The following GC variants were observed in gnomAD, a reference collection of about 807,000 sequenced individuals.
GC encodes GC vitamin D binding protein, also known as vitamin D-binding protein.
Under a neutral mutation model 56.7 loss-of-function variants are expected in GC, and 43 were observed. The observed-to-expected ratio is 0.76, with a 90% CI of 0.59 to 0.98. GC has a LOEUF of 0.98. Ranked by LOEUF, GC falls within the 50% of genes least tolerant of loss-of-function variation. The pLI, the probability that GC is intolerant of heterozygous loss-of-function variation, is 0.00. For synonymous variants in GC, 216 were observed against 202.7 expected, an observed-to-expected ratio of 1.07 and a Z score of -0.56; for missense variants, 529 against 545.9, an observed-to-expected ratio of 0.97 and a Z score of 0.31.
chr4:71,759,911 A>G (rs1560695898), intron 6 of GC, among the ~76,000 whole-genome samples: 1 of 152,186 alleles, frequency 6.6e-6, no homozygotes, highest in Non-Finnish European at 1.5e-5. Flanking sequence ...GTGGCTTTAT[A>G]TTAGAAATTC....
chr4:71,785,205 C>T (rs990157708), upstream of GC, among the ~76,000 whole-genome samples: 1 of 151,724 alleles, frequency 6.6e-6, no homozygotes, highest in Admixed American at 6.6e-5. Flanking sequence ...GGGTGCAGGG[C>T]TCATGGTAAC....
At chr4:71,746,501 A>T (rs58777868) in intron 11 of GC, among the ~76,000 whole-genome samples, 2,478 of 152,038 alleles carry the variant, frequency 0.016, 63 homozygotes, top group African/African-American at 0.056. Context: ...GACAACAGAG[A>T]AGTTTGAGTG....
intron 1 of GC, among the ~76,000 whole-genome samples, chr4:71,774,450 C>G (rs1742441810): frequency 6.6e-6 from 1 of 151,800 alleles, no homozygotes; most frequent in Admixed American, 6.6e-5. Context: ...ACCTCTCTTT[C>G]CTTTTGTGGG....
chr4:71,747,124 G>A (rs556639608), intron 11 of GC, among the ~76,000 whole-genome samples: 1 of 152,230 alleles, frequency 6.6e-6, no homozygotes, highest in African/African-American at 2.4e-5. Context: ...GTGGGGCAAT[G>A]GGTAAATGAT....
chr4:71,786,838 C>T (rs1380595849), upstream of GC, among the ~76,000 whole-genome samples: 11 of 151,866 alleles, frequency 7.2e-5, no homozygotes, highest in East Asian at 2.1e-3. Context: ...TGACCTTCTT[C>T]AGAATGATTT....
chr4:71,804,451 C>T (rs548933960), upstream of GC, among the ~76,000 whole-genome samples: 33 of 152,226 alleles, frequency 2.2e-4, no homozygotes, highest in East Asian at 2.9e-3. Context: ...TATTAACAGA[C>T]GGACCCCTCC....
intron 1 of GC, among the ~76,000 whole-genome samples, chr4:71,775,824 G>A (rs140334692): frequency 5.9e-5 from 9 of 151,878 alleles, no homozygotes; most frequent in East Asian, 3.9e-4. Flanking sequence ...ACCAATAACC[G>A]ATTTAAAACA....
chr4:71,769,491 C>T (rs984311998), intron 1 of GC, 91 bp from the exon 2 acceptor site: 20 of 846,292 alleles, frequency 2.4e-5, no homozygotes, highest in Non-Finnish European at 1.5e-5. Flanking sequence ...TCCACGTGGC[C>T]TACAATGAAA....
intron 1 of GC, among the ~76,000 whole-genome samples, chr4:71,789,933 C>T (rs1347617777): frequency 6.6e-6 from 1 of 151,854 alleles, no homozygotes; most frequent in East Asian, 1.9e-4. Flanking sequence ...CCCCTAGATG[C>T]TGGAAAGGGC....
upstream of GC, among the ~76,000 whole-genome samples, chr4:71,785,113 A>C (rs1205081538): frequency 6.6e-6 from 1 of 151,690 alleles, no homozygotes; most frequent in Non-Finnish European, 1.5e-5. Context: ...TACCCCTCTA[A>C]GTTTCATTTT....
At chr4:71,747,077 GAGA>G (rs1445427903) in intron 11 of GC, among the ~76,000 whole-genome samples, 1 of 152,172 alleles carries the variant, frequency 6.6e-6, no homozygotes, top group African/African-American at 2.4e-5. Flanking sequence ...TATGGAAAAA[GAGA>G]AGGAGAAATA....
chr4:71,778,532 A>G (rs543638501), intron 1 of GC, among the ~76,000 whole-genome samples: 1 of 152,058 alleles, frequency 6.6e-6, no homozygotes, highest in South Asian at 2.1e-4. Context: ...CATCATTGCC[A>G]TGTGAAAATT....
intron 1 of GC, among the ~76,000 whole-genome samples, chr4:71,791,823 A>G (rs1187110796): frequency 1.3e-5 from 2 of 151,330 alleles, no homozygotes; most frequent in Non-Finnish European, 1.5e-5. Context: ...ACCAACCCCT[A>G]CTCCCTGACA....
chr4:71,752,756 T>C, intron 10 of GC, 106 bp from the exon 11 acceptor site: 2 of 1,014,056 alleles, frequency 2.0e-6, no homozygotes. Flanking sequence ...AAAATGAAAA[T>C]AGAAATACTT....
chr4:71,774,799 T>C (rs1742453958), intron 1 of GC, among the ~76,000 whole-genome samples: 2 of 151,966 alleles, frequency 1.3e-5, no homozygotes, highest in South Asian at 4.1e-4. Context: ...TTTAAGAACT[T>C]CATCTCATAT....
intron 11 of GC, among the ~76,000 whole-genome samples, chr4:71,749,323 T>C (rs1002943917): frequency 1.3e-5 from 2 of 152,152 alleles, no homozygotes; most frequent in African/African-American, 4.8e-5. Context: ...AATGGCAATA[T>C]GTTATATTGA....
intron 12 of GC, among the ~76,000 whole-genome samples, 175 bp from the exon 13 acceptor site, chr4:71,742,045 A>G (rs910530151): frequency 6.6e-6 from 1 of 152,230 alleles, no homozygotes; most frequent in African/African-American, 2.4e-5. Context: ...GTCCAGAATA[A>G]GAAAAAAATG....
At chr4:71,752,210 T>C (rs1034821440) in intron 11 of GC, among the ~76,000 whole-genome samples, 1 of 152,216 alleles carries the variant, frequency 6.6e-6, no homozygotes, top group South Asian at 2.1e-4. Context: ...AGGCTGTTAC[T>C]AGGTTACAAC....
intron 11 of GC, among the ~76,000 whole-genome samples, chr4:71,751,742 G>A (rs1741562442): frequency 6.6e-6 from 1 of 151,836 alleles, no homozygotes; most frequent in African/African-American, 2.4e-5. Flanking sequence ...AAAATTGAGG[G>A]GAGTAGGGAG....
Sources: gnomAD v4.1 joint callset for allele counts (sites outside exome capture counted in the v4.1 genomes callset) on GRCh38, gnomAD v4.1.1 for gene constraint, MANE v1.5 for transcripts, NCBI Gene and HGNC (gene_info 2026-07-23, HGNC 2026-07-21) for gene names.